The following TXNDC16 variants were observed in gnomAD, a reference collection of about 807,000 sequenced individuals.
TXNDC16 encodes thioredoxin domain containing 16.
In TXNDC16, 74 loss-of-function variants were observed where a neutral mutation model predicts 85.6. The ratio of observed to expected loss-of-function variants is 0.86; its 90% CI spans 0.72 to 1.05. The LOEUF is 1.05. Ranked by LOEUF, TXNDC16 falls within the 50% of genes least tolerant of loss-of-function variation. The pLI, the probability that TXNDC16 is intolerant of heterozygous loss-of-function variation, is 0.00. For synonymous variants in TXNDC16, 335 were observed against 326.5 expected (o/e 1.03, Z -0.28); for missense variants, 959 against 947.0 (o/e 1.01, Z -0.17).
intron 1 of TXNDC16, among the ~76,000 whole-genome samples, chr14:52,544,882 A>C (rs956816715): frequency 4.6e-5 from 7 of 152,148 alleles, no homozygotes; most frequent in Non-Finnish European, 1.0e-4. Flanking sequence ...ATGCAATTTT[A>C]ATGGCATAAT....
At chr14:52,494,138 G>A (rs1217539770) in intron 9 of TXNDC16, among the ~76,000 whole-genome samples, 1 of 148,400 alleles carries the variant, frequency 6.7e-6, no homozygotes, top group African/African-American at 2.5e-5. Context: ...CAATTTTTAG[G>A]AAAGATATAT....
intron 18 of TXNDC16, among the ~76,000 whole-genome samples, chr14:52,445,610 G>A (rs187930517): frequency 4.6e-5 from 7 of 152,294 alleles, no homozygotes; most frequent in Admixed American, 2.6e-4. Context: ...GTCATGCATC[G>A]CATGATGTTT....
At chr14:52,438,865 T>G (rs974874194) in intron 20 of TXNDC16, among the ~76,000 whole-genome samples, 33 of 152,222 alleles carry the variant, frequency 2.2e-4, no homozygotes, top group Non-Finnish European at 4.4e-4. Context: ...TTAAATTTTA[T>G]AAAAATAGAT....
chr14:52,469,311 C>T (rs774771791), intron 16 of TXNDC16, among the ~76,000 whole-genome samples: 4 of 151,342 alleles, frequency 2.6e-5, no homozygotes, highest in Non-Finnish European at 5.9e-5. Context: ...CATGCCATTG[C>T]ACTCCAGCCT....
Position 52,505,820 on chromosome 14 carries a change from C to T in TXNDC16, c.756+5420G>A, listed in dbSNP as rs187825854. Among the ~76,000 whole-genome samples, 562 of 151,972 alleles carry T rather than the reference C, an allele frequency of 3.7e-3. 5 individuals are homozygous for T. The highest frequency in any genetic ancestry group is 0.013 in the African/African-American group (538 of 41,416). On this transcript the variant is annotated intron_variant, in intron 9 of 20. Transcript: ENST00000281741. ...GAAAAGATCAACAAAACTGATAGAC[C>T]GCTAGCAAGACTAATAAAGAAGAAA...
intron 9 of TXNDC16, among the ~76,000 whole-genome samples, chr14:52,504,478 T>A (rs2036742469): frequency 6.6e-6 from 1 of 152,102 alleles, no homozygotes; most frequent in Admixed American, 6.5e-5. Flanking sequence ...CTAAGCTTCA[T>A]AAGTGAAGGA....
chr14:52,515,835 A>T lies in TXNDC16; in HGVS notation c.515-865T>A, dbSNP rs144329450. On this transcript the variant is annotated intron_variant, in intron 7 of 20. Transcript: ENST00000281741. ...CACAAATGTAAACATATCCCATCCC[A>T]ACTCTCCCAATATAGTTCTAACTTT... Among the ~76,000 whole-genome samples, 77 of 152,000 alleles carry T rather than the reference A, an allele frequency of 5.1e-4. No individual in the cohort carries two copies. In the East Asian group the frequency reaches 0.014, roughly 29 times the overall value.
intron 16 of TXNDC16, among the ~76,000 whole-genome samples, chr14:52,463,732 C>T (rs2035707358): frequency 1.3e-5 from 2 of 152,136 alleles, no homozygotes; most frequent in African/African-American, 4.8e-5. Context: ...AACCTTTAGT[C>T]TGAACTTAAA....
chr14:52,550,559 C>T (rs2038022741), intron 1 of TXNDC16, among the ~76,000 whole-genome samples: 1 of 152,238 alleles, frequency 6.6e-6, no homozygotes. Context: ...TCCAGACTTG[C>T]TCTTACTGAC....
intron 6 of TXNDC16, among the ~76,000 whole-genome samples, chr14:52,529,886 A>AATTATAG (rs2037451640): frequency 9.7e-6 from 1 of 103,518 alleles, no homozygotes; most frequent in Admixed American, 1.4e-4. Context: ...TATATATATG[A>AATTATAG]ATTATATATT....
In TXNDC16 at chr14:52,455,518, T is replaced by C. The variant is rs1050110744; in HGVS notation, c.1704-56A>G. The C allele has an allele frequency of 2.6e-5, 41 of 1,602,434 alleles. 1 individual carries two copies. The African/African-American group carries it at 3.3e-4, about 13-fold the overall frequency. ...ATCAAAATCTAGCATGTCAAAAACA[T>C]GAAAATCTAGGCTAGGAGGTCACAG... On this transcript the variant is annotated intron_variant, in intron 17 of 20. Coordinates refer to ENST00000281741, the MANE Select transcript of TXNDC16 (RefSeq NM_020784.3).
At chr14:52,530,314 ATAT>A (rs1172702261) in intron 6 of TXNDC16, among the ~76,000 whole-genome samples, 1 of 54,422 alleles carries the variant, frequency 1.8e-5, no homozygotes, top group African/African-American at 8.5e-5. Flanking sequence ...AATATATAAT[ATAT>A]AATTATTTTT....
At chr14:52,498,025 T>C (rs971678661) in intron 9 of TXNDC16, among the ~76,000 whole-genome samples, 10 of 152,008 alleles carry the variant, frequency 6.6e-5, no homozygotes, top group East Asian at 1.9e-4. Context: ...GTACACCAAA[T>C]TGACAGAACA....
At position 52,536,741 on chromosome 14, in the gene TXNDC16, C is replaced by T; in HGVS notation, c.370G>A (p.Ala124Thr). 6.2e-7 allele frequency: 1 copy of T among 1,611,506 alleles called. No individual in the cohort carries two copies. The change falls in exon 6 of 21, where the codon GCC becomes ACC. Residue 124 changes from alanine (A) to threonine (T), a missense_variant. Physicochemically the swap from Ala to Thr is moderately conservative, Grantham distance 58. Transcript: ENST00000281741. ...FPTDTLFDVN[A>T]IVAHVLFALL... is the part of the protein sequence containing the mutation. ...TACAAGAGAACATGGGCGACAATGG[C>T]ATTCACATCAAACAAGGTGTCAGTA... is the stretch of plus-strand genomic sequence containing the variant.
At chr14:52,547,571 T>G (rs562699274) in intron 1 of TXNDC16, among the ~76,000 whole-genome samples, 56 of 152,346 alleles carry the variant, frequency 3.7e-4, no homozygotes, top group African/African-American at 1.3e-3. Context: ...GGAACAGAAC[T>G]AGAGCCCTAG....
chr14:52,505,452 G>C (rs1389571847), intron 9 of TXNDC16, among the ~76,000 whole-genome samples: 3 of 152,182 alleles, frequency 2.0e-5, no homozygotes, highest in Non-Finnish European at 2.9e-5. Flanking sequence ...TGAACAACCT[G>C]CTGCTGAAGG....
intron 14 of TXNDC16, among the ~76,000 whole-genome samples, chr14:52,473,279 G>A (rs528905447): frequency 1.3e-5 from 2 of 152,102 alleles, no homozygotes; most frequent in African/African-American, 2.4e-5. Context: ...GCGCGACAAC[G>A]AACCCCAGGG....
chr14:52,490,822 T>A lies in TXNDC16; in HGVS notation c.923+17A>T, dbSNP rs1326275899. The A allele has an allele frequency of 1.3e-6, 2 of 1,597,990 alleles. No individual in the cohort carries two copies. The highest frequency in any genetic ancestry group is 1.7e-6 in the Non-Finnish European group (2 of 1,176,286). On this transcript the variant is annotated intron_variant, in intron 10 of 20. Coordinates refer to ENST00000281741, the MANE Select transcript of TXNDC16 (RefSeq NM_020784.3). ...AGCGTTTTGCTAAATATAGTAAATA[T>A]TCGATGTTTAAGATACCTTAACAAG...
intron 16 of TXNDC16, among the ~76,000 whole-genome samples, chr14:52,467,292 A>G (rs1250573855): frequency 6.6e-6 from 1 of 152,222 alleles, no homozygotes; most frequent in Non-Finnish European, 1.5e-5. Context: ...AGGGAAAAAA[A>G]TCACAATCAA....
Sources: allele counts gnomAD v4.1 joint callset (sites outside exome capture counted in the v4.1 genomes callset), GRCh38; gene constraint gnomAD v4.1.1; transcripts MANE v1.5; gene names NCBI Gene and HGNC (gene_info 2026-07-23, HGNC 2026-07-21).